KATNIP: variants seen among roughly 807,000 people sequenced by gnomAD.
The protein encoded by KATNIP is katanin-interacting protein.
KATNIP carries 126 observed loss-of-function variants against 174.0 expected under a neutral mutation model. That is an observed-to-expected ratio of 0.72 (90% confidence interval 0.63 to 0.84). KATNIP has a LOEUF of 0.84. Ranked by LOEUF, KATNIP falls within the 40% of genes least tolerant of loss-of-function variation. The probability of loss-of-function intolerance (pLI) is 0.00; values close to 1 mark genes in which losing one functional copy is unlikely to be tolerated. For synonymous variants in KATNIP, 810 were observed against 835.7 expected (o/e 0.97, Z 0.53); for missense variants, 1,958 against 2,109.7 (o/e 0.93, Z 1.41).
At chr16:27,580,202 T>A (rs2141769858) in intron 2 of KATNIP, among the ~76,000 whole-genome samples, 1 of 152,332 alleles carries the variant, frequency 6.6e-6, no homozygotes, top group Admixed American at 6.5e-5. Flanking sequence ...AACCTCTGCC[T>A]CCCAAGTTCA....
At position 27,773,109 on chromosome 16, in the gene KATNIP, G is replaced by C; in HGVS notation, c.4209G>C (p.Gln1403His). The C allele has an allele frequency of 6.2e-7, 1 of 1,606,112 alleles. No individual in the cohort carries two copies. The highest frequency in any genetic ancestry group is 8.5e-7 in the Non-Finnish European group (1 of 1,175,480). ...APLMPCGFIFQFQLLTSWGDP... is the reference protein window; with the variant it reads ...APLMPCGFIFHFQLLTSWGDP... The stretch of plus-strand genomic sequence containing the variant: ...AATAAAGTGTCCCAGTCATTTTCCA[G>C]TTTCAGCTTCTCACCAGCTGGGGCG... Residue 1403 changes from glutamine (Q) to histidine (H), a missense_variant, in exon 23 of 28, where the codon CAG (glutamine) becomes CAC (histidine). Around this residue, in one of 3 missense-constraint regions of KATNIP, gnomAD observed 383 missense variants for 456.0 expected, o/e 0.84. Coordinates refer to ENST00000261588, the MANE Select transcript of KATNIP (RefSeq NM_015202.5).
intron 18 of KATNIP, 94 bp downstream of exon 18, chr16:27,754,345 A>G (rs528285991): frequency 3.9e-5 from 42 of 1,065,866 alleles, no homozygotes; most frequent in Non-Finnish European, 5.3e-5. Context: ...TCGCTGGACA[A>G]TCGGGTGGGT....
At chr16:27,720,718 G>A (rs1268162270) in intron 13 of KATNIP, among the ~76,000 whole-genome samples, 1 of 152,088 alleles carries the variant, frequency 6.6e-6, no homozygotes, top group African/African-American at 2.4e-5. Flanking sequence ...TCCCCAGATT[G>A]AGAAGGTTAA....
chr16:27,638,963 T>G (rs2076717559), intron 5 of KATNIP, among the ~76,000 whole-genome samples: 1 of 150,824 alleles, frequency 6.6e-6, no homozygotes, highest in Non-Finnish European at 1.5e-5. Context: ...CGTGAGCCAC[T>G]GCGCCCAGCC....
intron 21 of KATNIP, among the ~76,000 whole-genome samples, chr16:27,770,856 A>T (rs1410654102): frequency 6.6e-6 from 1 of 152,158 alleles, no homozygotes; most frequent in Non-Finnish European, 1.5e-5. Flanking sequence ...CATGAAGCCA[A>T]AGCCATCAGG....
At chr16:27,563,821 G>A (rs1347690060) in intron 1 of KATNIP, among the ~76,000 whole-genome samples, 1 of 150,410 alleles carries the variant, frequency 6.6e-6, no homozygotes, top group Non-Finnish European at 1.5e-5. Context: ...AGCTGAGATG[G>A]GTAGAATTGC....
intron 6 of KATNIP, among the ~76,000 whole-genome samples, chr16:27,674,827 T>A (rs1240479184): frequency 2.0e-5 from 3 of 152,134 alleles, no homozygotes; most frequent in African/African-American, 7.2e-5. Flanking sequence ...AATACATCCA[T>A]CCCATCCCAA....
At chr16:27,738,519 A>C (rs1228834329) in intron 14 of KATNIP, among the ~76,000 whole-genome samples, 1 of 152,202 alleles carries the variant, frequency 6.6e-6, no homozygotes, top group Non-Finnish European at 1.5e-5. Context: ...ATGTGATTTT[A>C]TCTTAAGCAT....
At chr16:27,606,154 G>T (rs954997447) in intron 2 of KATNIP, among the ~76,000 whole-genome samples, 4 of 152,022 alleles carry the variant, frequency 2.6e-5, no homozygotes, top group African/African-American at 9.7e-5. Context: ...AAAGAAGCAG[G>T]CTCAGATACT....
chr16:27,594,013 G>A (rs1438659691), intron 2 of KATNIP, among the ~76,000 whole-genome samples: 1 of 151,776 alleles, frequency 6.6e-6, no homozygotes, highest in African/African-American at 2.4e-5. Flanking sequence ...TAAAAGTGAG[G>A]CCCTAAGTCA....
Position 27,761,529 on chromosome 16 carries a change from G to A in KATNIP, c.3748G>A (p.Ala1250Thr), listed in dbSNP as rs2081955462. ...GCCCATCCACCTGCACCAGATCTCT[G>A]CTTCCCCCAGAGACTTAAATGAGCT... ...ALPIHLHQIS[A>T]SPRDLNELPE... The change falls in exon 19 of 28, where the codon GCT becomes ACT. Residue 1250 changes from alanine to threonine, a missense_variant. By Grantham distance (58) the Ala-to-Thr change is moderately conservative. This residue lies in a region of KATNIP where 1,557 missense variants were observed against 1,617.8 expected (regional missense o/e 0.96). Transcript: ENST00000261588. The A allele has an allele frequency of 6.2e-7, 1 of 1,613,986 alleles. No homozygotes were observed.
chr16:27,581,622 A>G (rs1596792580), intron 2 of KATNIP, among the ~76,000 whole-genome samples: 1 of 152,180 alleles, frequency 6.6e-6, no homozygotes, highest in South Asian at 2.1e-4. Flanking sequence ...TTTGGGGGGA[A>G]CCGGTGGTAT....
chr16:27,563,381 C>T (rs1160474609), intron 1 of KATNIP, among the ~76,000 whole-genome samples: 1 of 152,098 alleles, frequency 6.6e-6, no homozygotes, highest in African/African-American at 2.4e-5. Context: ...GGACTAGGTG[C>T]AGTGGTGCAC....
chr16:27,671,410 GC>G (rs1250253375), intron 6 of KATNIP, among the ~76,000 whole-genome samples: 1 of 152,148 alleles, frequency 6.6e-6, no homozygotes, highest in Non-Finnish European at 1.5e-5. Context: ...TGTAAGAGCT[GC>G]CTGGGGCTCG....
In KATNIP at chr16:27,779,709, C is replaced by G. The variant is rs1415852149; in HGVS notation, c.*1080C>G. ...GAGTTGGAAATGTGCCTTGCACCCC[C>G]AGCCGAGTGAAGCCCAGAACGCATC... On this transcript the variant is annotated 3_prime_UTR_variant, in exon 28 of 28. Coordinates refer to ENST00000261588, the MANE Select transcript of KATNIP (RefSeq NM_015202.5). The G allele has an allele frequency of 2.0e-5, 3 of 152,170 alleles. No homozygotes were observed. The highest frequency in any genetic ancestry group is 4.4e-5 in the Non-Finnish European group (3 of 68,054). The allele number at this position is 152,170 out of a possible 1,614,324, so 9.4% of individuals were successfully genotyped here.
intron 1 of KATNIP, among the ~76,000 whole-genome samples, chr16:27,556,777 C>CA (rs1411702017): frequency 4.0e-5 from 6 of 151,446 alleles, no homozygotes; most frequent in Non-Finnish European, 7.4e-5. Flanking sequence ...TTAAACCCAG[C>CA]AAAAAAAATA....
chr16:27,778,487 G>A (rs2082585006), intron 27 of KATNIP, 87 bp from the exon 28 acceptor site: 4 of 1,378,614 alleles, frequency 2.9e-6, no homozygotes, highest in Admixed American at 3.8e-5. Context: ...GGCAACCCAG[G>A]CTGCTGGATT....
intron 8 of KATNIP, among the ~76,000 whole-genome samples, chr16:27,692,268 G>T (rs778376067): frequency 3.3e-5 from 5 of 152,136 alleles, no homozygotes; most frequent in Admixed American, 1.3e-4. Flanking sequence ...TGTCTATAGG[G>T]TCTAAAGGGA....
intron 1 of KATNIP, among the ~76,000 whole-genome samples, chr16:27,562,216 C>T (rs905087422): frequency 2.0e-5 from 3 of 152,020 alleles, no homozygotes; most frequent in East Asian, 1.9e-4. Flanking sequence ...CTGAGGTGGG[C>T]GGATCACTGA....
Sources: allele counts gnomAD v4.1 joint callset (sites outside exome capture counted in the v4.1 genomes callset), GRCh38; gene constraint gnomAD v4.1.1; regional missense constraint gnomAD v4.1.1; transcripts MANE v1.5; gene names NCBI Gene and HGNC (gene_info 2026-07-23, HGNC 2026-07-21).